The following EXOC3L2 variants were observed in gnomAD, a reference collection of about 807,000 sequenced individuals.
The protein encoded by EXOC3L2 is exocyst complex component 3 like 2.
Under a neutral mutation model 44.4 loss-of-function variants are expected in EXOC3L2, and 17 were observed. The ratio of observed to expected loss-of-function variants is 0.38; its 90% CI spans 0.26 to 0.57. The LOEUF (loss-of-function observed/expected upper bound fraction) is 0.57, where lower values mean the gene tolerates loss of function less well. EXOC3L2 is among the 20% of genes least tolerant of loss of function. The probability of loss-of-function intolerance (pLI) is 0.65; values close to 1 mark genes in which losing one functional copy is unlikely to be tolerated. For synonymous variants in EXOC3L2, 256 were observed against 253.7 expected, an observed-to-expected ratio of 1.01 and a Z score of -0.09; for missense variants, 541 against 588.4, an observed-to-expected ratio of 0.92 and a Z score of 0.83.
chr19:45,217,406 T>C (rs1251764629), intron 10 of EXOC3L2, 122 bp downstream of exon 10: 5 of 1,242,542 alleles, frequency 4.0e-6, no homozygotes, highest in East Asian at 3.1e-5. Context: ...TGACCCGAAG[T>C]TGGGTGAGAG....
Position 45,218,243 on chromosome 19 carries a change from C to A in EXOC3L2, c.1796G>T (p.Gly599Val). Residue 599 changes from glycine to valine, a missense_variant, in exon 9 of 12, where the codon GGT becomes GTT. Physicochemically the swap from Gly to Val is moderately radical, Grantham distance 109. Coordinates refer to ENST00000413988, the MANE Select transcript of EXOC3L2 (RefSeq NM_001382422.1). ...TCTGCGCAGGGCCAGGGCCTGGGCA[C>A]CCAGCGTGCCCACGATGCCATCCAG... ...EALDGIVGTL[G>V]AQALALRRMQ... The A allele has an allele frequency of 6.2e-7, 1 of 1,605,910 alleles. No individual in the cohort carries two copies. The highest frequency in any genetic ancestry group is 1.1e-5 in the South Asian group (1 of 89,774).
Position 45,219,393 on chromosome 19 carries a change from C to CAAAAAAAAAA in EXOC3L2, c.1720-1084_1720-1075dup, listed in dbSNP as rs950797638. ...TGGGTAACAGAGGGAGGCCCCGTCT[C>CAAAAAAAAAA]AAAAAAAAAAAAAAAAAAAAAGAGA... On this transcript the variant is annotated intron_variant, in intron 8 of 11. Transcript: ENST00000413988. Among the ~76,000 whole-genome samples the CAAAAAAAAAA allele has an allele frequency of 5.0e-4, 26 of 51,500 alleles. 1 individual carries two copies. Among genetic ancestry groups the CAAAAAAAAAA allele is most frequent in the African/African-American group, 1.6e-3 (22 of 13,876 alleles). The allele number at this position is 51,500 out of a possible 152,430, so 33.8% of individuals were successfully genotyped here.
chr19:45,215,051 C>T (rs1423162538), intron 11 of EXOC3L2, among the ~76,000 whole-genome samples: 5 of 151,828 alleles, frequency 3.3e-5, no homozygotes, highest in Admixed American at 6.6e-5. Flanking sequence ...GAGGCTGAGG[C>T]ACAATAATCT....
At chr19:45,213,679 T>TCATGCCTGTAATCC (rs1180458362) in intron 11 of EXOC3L2, among the ~76,000 whole-genome samples, 2 of 152,048 alleles carry the variant, frequency 1.3e-5, no homozygotes, top group Non-Finnish European at 2.9e-5. Context: ...GTGCCGTGGC[T>TCATGCCTGTAATCC]CATGCCTGTA....
chr19:45,242,791 G>A (rs1461890174), intron 1 of EXOC3L2, among the ~76,000 whole-genome samples: 2 of 150,610 alleles, frequency 1.3e-5, no homozygotes, highest in African/African-American at 4.9e-5. Flanking sequence ...GAACCCAGGA[G>A]GCGGATGCTG....
At chr19:45,218,158 T>TACCCCC in intron 9 of EXOC3L2, 39 bp downstream of exon 9, 27 of 1,034,900 alleles carry the variant, frequency 2.6e-5, no homozygotes, top group Middle Eastern at 3.5e-4. Context: ...TCCCCTCTTT[T>TACCCCC]CCCCCACCCC....
intron 4 of EXOC3L2, among the ~76,000 whole-genome samples, chr19:45,230,590 C>G (rs904007232): frequency 1.3e-5 from 2 of 152,106 alleles, no homozygotes; most frequent in African/African-American, 4.8e-5. Flanking sequence ...CTCAAGAAAT[C>G]CTCCCACCTC....
intron 4 of EXOC3L2, among the ~76,000 whole-genome samples, chr19:45,231,457 C>CAAAAAA (rs34610401): frequency 3.3e-5 from 2 of 61,320 alleles, no homozygotes; most frequent in African/African-American, 6.4e-5. Context: ...GACCCTGCCT[C>CAAAAAA]AAAAAAAAAA....
At chr19:45,218,004 C>T (rs897894828) in intron 9 of EXOC3L2, among the ~76,000 whole-genome samples, 193 bp downstream of exon 9, 28 of 152,192 alleles carry the variant, frequency 1.8e-4, no homozygotes, top group Admixed American at 7.2e-4. Context: ...ACGCACATGC[C>T]TCCCCGCAGA....
chr19:45,218,158 T>TA, intron 9 of EXOC3L2, 39 bp downstream of exon 9: 189 of 1,034,848 alleles, frequency 1.8e-4, no homozygotes, highest in Middle Eastern at 3.5e-4. Context: ...TCCCCTCTTT[T>TA]CCCCCACCCC....
At chr19:45,215,816 T>G (rs915859926) in intron 11 of EXOC3L2, among the ~76,000 whole-genome samples, 6 of 152,162 alleles carry the variant, frequency 3.9e-5, no homozygotes, top group African/African-American at 1.4e-4. Flanking sequence ...CAGGCAGCCC[T>G]GCGCCCCCCT....
rs766170084 is a variant in EXOC3L2, at chr19:45,227,769, G to A, written c.1476C>T (p.Phe492=). The change falls in exon 7 of 12, where the codon TTC becomes TTT. Residue 492 remains phenylalanine, a synonymous_variant. Transcript: ENST00000413988. ...CATGGAATCGCTCCACACGCTGCTG[G>A]AAGCTGGTGGGAGGAAAGGGGACAG... ...LGGLAEFLQS[F]QQRVERFHEN... 13 of 1,610,168 alleles carry A rather than the reference G, an allele frequency of 8.1e-6. No homozygotes were observed. Among genetic ancestry groups the A allele is most frequent in the African/African-American group, 1.3e-5 (1 of 74,914 alleles).
intron 4 of EXOC3L2, among the ~76,000 whole-genome samples, chr19:45,231,006 T>C (rs990689477): frequency 6.6e-6 from 1 of 152,058 alleles, no homozygotes; most frequent in Non-Finnish European, 1.5e-5. Flanking sequence ...GGAAGATCCC[T>C]TGAACCCAGG....
rs755174689 is a variant in EXOC3L2, at chr19:45,228,213, C to G, written c.1323G>C (p.Trp441Cys). ...LRVLQEDEEH[W>C]GSLEDQPSSL... is the part of the protein sequence containing the mutation. The stretch of plus-strand genomic sequence containing the variant: ...TGCTGGGCTGGTCCTCCAGGCTCCC[C>G]CAGTGCTCTTCGTCCTCCTGCAGCA... The change falls in exon 5 of 12, where the codon TGG (tryptophan) becomes TGC (cysteine). Residue 441 changes from tryptophan to cysteine, a missense_variant. Transcript: ENST00000413988. The G allele has an allele frequency of 6.2e-7, 1 of 1,614,150 alleles. No individual in the cohort carries two copies. Among genetic ancestry groups the G allele is most frequent in the East Asian group, 2.2e-5 (1 of 44,886 alleles).
In EXOC3L2 at chr19:45,238,831, G is replaced by C; in HGVS notation, c.215C>G (p.Ala72Gly). Residue 72 changes from alanine (A) to glycine (G), a missense_variant, in exon 2 of 12, where the codon GCC (alanine) becomes GGC (glycine). By Grantham distance (60) the Ala-to-Gly change is moderately conservative. Transcript: ENST00000413988. This position sits in a 1 kb window ranked among gnomAD's most constrained non-coding sequence, Gnocchi z 5.5. Reference protein sequence around the residue: ...AGLAPFRLGWAPGRRAGSPGD... With the variant: ...AGLAPFRLGWGPGRRAGSPGD... Reference sequence around the variant, plus strand: ...AGGGCTGCCTGCCCGCCGGCCCGGGGCCCAGCCCAGCCGGAAGGGGGCCAG... The same window carrying C: ...AGGGCTGCCTGCCCGCCGGCCCGGGCCCCAGCCCAGCCGGAAGGGGGCCAG... The C allele has an allele frequency of 2.5e-6, 1 of 398,976 alleles. No individual in the cohort carries two copies. The highest frequency in any genetic ancestry group is 4.4e-6 in the Non-Finnish European group (1 of 226,020). 24.7% of individuals were successfully genotyped at this position (398,976 alleles called of 1,614,324 possible).
intron 3 of EXOC3L2, 50 bp from the exon 4 acceptor site, chr19:45,231,924 C>A (rs1970036527): frequency 1.6e-6 from 2 of 1,277,732 alleles, no homozygotes; most frequent in Non-Finnish European, 2.2e-6. Context: ...TGGGGCTGGG[C>A]AGTTGGAACC....
chr19:45,216,220 C>T, intron 10 of EXOC3L2, 26 bp from the exon 11 acceptor site: 3 of 1,611,216 alleles, frequency 1.9e-6, no homozygotes, highest in Middle Eastern at 1.7e-4. Flanking sequence ...GGTGCGGGGT[C>T]ACACCCTCCC....
In EXOC3L2 at chr19:45,234,728, C is replaced by T. The variant is rs1970066029; in HGVS notation, c.622G>A (p.Gly208Ser). ...TCGGCCTTGGGAGGCCCAGGCGCGC[C>T]GCCCCTCGACGGCGCCAGCTCCTCG... is the stretch of plus-strand genomic sequence containing the variant. ...EAEELAPSRG[G>S]APGPPKAEGA... The change falls in exon 3 of 12, where the codon GGC (glycine) becomes AGC (serine). Residue 208 changes from glycine (G) to serine (S), a missense_variant. By Grantham distance (56) the Gly-to-Ser change is moderately conservative. Transcript: ENST00000413988. This position sits in a 1 kb window ranked among gnomAD's most constrained non-coding sequence, Gnocchi z 5.0. The T allele has an allele frequency of 5.1e-6, 2 of 393,430 alleles. No homozygotes were observed. Among genetic ancestry groups the T allele is most frequent in the Admixed American group, 4.4e-5 (1 of 22,520 alleles). The allele number at this position is 393,430 out of a possible 1,614,324, so 24.4% of individuals were successfully genotyped here. A position where few individuals can be genotyped will look rare whatever the true frequency, so the allele number is the denominator to read the frequency against.
In EXOC3L2 at chr19:45,238,593, A is replaced by T; in HGVS notation, c.453T>A (p.Pro151=). 2.5e-6 allele frequency: 1 copy of T among 399,596 alleles called. No individual in the cohort carries two copies. Among genetic ancestry groups the T allele is most frequent in the African/African-American group, 2.1e-5 (1 of 48,740 alleles). The allele number at this position is 399,596 out of a possible 1,614,324, so 24.8% of individuals were successfully genotyped here. The part of the protein sequence containing the change: ...QRASLAERVV[P]AGEAAPEPPP... ...GGGGCTCTGGAGCTGCCTCGCCTGC[A>T]GGCACCACTCTCTCAGCCAGGGACG... is the stretch of plus-strand genomic sequence containing the variant. The change falls in exon 2 of 12, where the codon CCT becomes CCA. Residue 151 remains proline, a synonymous_variant. Coordinates refer to ENST00000413988, the MANE Select transcript of EXOC3L2 (RefSeq NM_001382422.1). This position sits in a 1 kb window ranked among gnomAD's most constrained non-coding sequence, Gnocchi z 5.5.
Sources: gnomAD v4.1 joint callset for allele counts (sites outside exome capture counted in the v4.1 genomes callset) on GRCh38, gnomAD v4.1.1 for gene constraint, Gnocchi (gnomAD v3.1) non-coding constraint, MANE v1.5 for transcripts, NCBI Gene and HGNC (gene_info 2026-07-23, HGNC 2026-07-21) for gene names.